ZNF391: variants seen among roughly 807,000 people sequenced by gnomAD.
ZNF391 encodes zinc finger protein 391.
For missense variants in ZNF391, 375 were observed against 425.5 expected, an observed-to-expected ratio of 0.88 and a Z score of 1.04; for synonymous variants, 126 against 142.1, an observed-to-expected ratio of 0.89 and a Z score of 0.80.
intron 1 of ZNF391, among the ~76,000 whole-genome samples, chr6:27,394,222 C>T (rs1376067638): frequency 2.0e-5 from 3 of 152,204 alleles, no homozygotes; most frequent in Admixed American, 6.5e-5. Flanking sequence ...ATCTAAGAGG[C>T]GATGCCTCCC....
chr6:27,393,458 A>C (rs549561917), intron 1 of ZNF391, among the ~76,000 whole-genome samples: 8 of 152,196 alleles, frequency 5.3e-5, no homozygotes, highest in African/African-American at 1.9e-4. Context: ...TGCCATCACC[A>C]TGGTTGTACA....
At chr6:27,388,063 A>C (rs2206250), upstream of ZNF391, among the ~76,000 whole-genome samples, 107,012 of 151,858 alleles carry the variant, frequency 0.7, 37,959 homozygotes, top group Middle Eastern at 0.8. Context: ...GCAGTTTTGC[A>C]CATGCTTTCC....
chr6:27,396,489 C>G (rs1264320938), intron 1 of ZNF391, among the ~76,000 whole-genome samples: 1 of 152,132 alleles, frequency 6.6e-6, no homozygotes, highest in Non-Finnish European at 1.5e-5. Flanking sequence ...CTTTAGGAGG[C>G]TGAGGTGGGC....
intron 1 of ZNF391, among the ~76,000 whole-genome samples, chr6:27,398,095 T>C (rs1417559375): frequency 6.6e-6 from 1 of 152,244 alleles, no homozygotes; most frequent in Non-Finnish European, 1.5e-5. Flanking sequence ...ATGCATGGCT[T>C]CTTGGCACAT....
intron 1 of ZNF391, among the ~76,000 whole-genome samples, chr6:27,380,132 C>T (rs1761475215): frequency 6.6e-6 from 1 of 152,190 alleles, no homozygotes; most frequent in African/African-American, 2.4e-5. Flanking sequence ...CTCGTCCATG[C>T]AGAAAAATTA....
intron 1 of ZNF391, among the ~76,000 whole-genome samples, chr6:27,383,752 G>T (rs1434251538): frequency 6.6e-6 from 1 of 152,130 alleles, no homozygotes; most frequent in Non-Finnish European, 1.5e-5. Context: ...GAGGGGTAGG[G>T]TTTCAACTTA....
Position 27,400,497 on chromosome 6 carries a change from G to T in ZNF391, c.127G>T (p.Val43Phe), listed in dbSNP as rs201252236. Residue 43 changes from valine to phenylalanine, a missense_variant, in exon 3 of 3, where the codon GTC becomes TTC. Transcript: ENST00000244576. ...QKKSSFENTV[V>F]RKVSVTLKEI... is the part of the protein sequence containing the mutation. ...GAAATCCTCTTTTGAGAACACAGTG[G>T]TCAGAAAAGTGTCAGTGACACTCAA... is the stretch of plus-strand genomic sequence containing the variant. 163 of 1,614,050 alleles carry T rather than the reference G, an allele frequency of 1.0e-4. No individual in the cohort carries two copies. The highest frequency in any genetic ancestry group is 4.2e-6 in the Non-Finnish European group (5 of 1,180,036).
In ZNF391 at chr6:27,400,906, ATCTTAG is replaced by A. The variant is rs1761942204; in HGVS notation, c.540_545del (p.Ser181_Leu182del). 6.2e-7 allele frequency: 1 copy of A among 1,614,002 alleles called. No individual in the cohort carries two copies. The highest frequency in any genetic ancestry group is 1.1e-5 in the South Asian group (1 of 91,080). ...GGAAAAGCTTTTAGCCGGAGCACAC[ATCTTAG>A]TCTACATCAGAGAATCCATACTGGA... is the stretch of plus-strand genomic sequence containing the variant. On this transcript the variant is annotated inframe_deletion, in exon 3 of 3. Coordinates refer to ENST00000244576, the MANE Select transcript of ZNF391 (RefSeq NM_001076781.3).
rs1392008177 is a variant in ZNF391 at position 27,400,629 on chromosome 6, A to G, written c.259A>G (p.Arg87Gly). 1.2e-6 allele frequency: 2 copies of G among 1,614,240 alleles called. No individual in the cohort carries two copies. Among genetic ancestry groups the G allele is most frequent in the Non-Finnish European group, 1.7e-6 (2 of 1,180,040 alleles). ...IPKGHGSPIS[R>G]KNSKDNSDLI... ...AAAGGGACATGGATCCCCAATATCTAGGAAAAACTCCAAAGATAATTCAGA... is the reference window on the plus strand; with the variant it reads ...AAAGGGACATGGATCCCCAATATCTGGGAAAAACTCCAAAGATAATTCAGA... Residue 87 changes from arginine (R) to glycine (G), a missense_variant, in exon 3 of 3, where the codon AGG becomes GGG. Coordinates refer to ENST00000244576, the MANE Select transcript of ZNF391 (RefSeq NM_001076781.3).
In ZNF391 at chr6:27,401,160, C is replaced by A; in HGVS notation, c.790C>A (p.Leu264Ile). The change falls in exon 3 of 3, where the codon CTT (leucine) becomes ATT (isoleucine). Residue 264 changes from leucine to isoleucine, a missense_variant. Coordinates refer to ENST00000244576, the MANE Select transcript of ZNF391 (RefSeq NM_001076781.3). ...AAAAGCTTTCAGTTGGATCTCATCG[C>A]TTACTGAACATCAGAGAACACACAC... ...CGKAFSWISS[L>I]TEHQRTHTGE... The A allele has an allele frequency of 1.2e-6, 2 of 1,614,210 alleles. No individual in the cohort carries two copies. Among genetic ancestry groups the A allele is most frequent in the Non-Finnish European group, 1.7e-6 (2 of 1,180,032 alleles).
At chr6:27,381,204 C>A (rs988686329) in intron 1 of ZNF391, among the ~76,000 whole-genome samples, 9 of 152,254 alleles carry the variant, frequency 5.9e-5, no homozygotes, top group Non-Finnish European at 8.8e-5. Flanking sequence ...GGTCCCGAGG[C>A]CTGCGCCGCG....
In ZNF391 at chr6:27,402,755, C is replaced by T. The variant is rs930529567; in HGVS notation, c.*1308C>T. 1 of 152,136 alleles carries T rather than the reference C, an allele frequency of 6.6e-6. No individual in the cohort carries two copies. The highest frequency in any genetic ancestry group is 1.5e-5 in the Non-Finnish European group (1 of 68,038). The allele number at this position is 152,136 out of a possible 1,614,324, so 9.4% of individuals were successfully genotyped here. A position where few individuals can be genotyped will look rare whatever the true frequency, so the allele number is the denominator to read the frequency against. On this transcript the variant is annotated 3_prime_UTR_variant, in exon 3 of 3. Transcript: ENST00000244576. Reference sequence around the variant, plus strand: ...CTGCAAGTGTGTACCACCACACCCACAATTTTAAAGTTTTTTTGTGGAGAC... The same window carrying T: ...CTGCAAGTGTGTACCACCACACCCATAATTTTAAAGTTTTTTTGTGGAGAC...
chr6:27,392,239 A>G (rs1761729535), intron 1 of ZNF391, among the ~76,000 whole-genome samples: 1 of 152,106 alleles, frequency 6.6e-6, no homozygotes. Context: ...ACTTCAGTGG[A>G]GGCCAGAGAC....
chr6:27,392,103 AT>A (rs1223652048), intron 1 of ZNF391, among the ~76,000 whole-genome samples: 1 of 152,038 alleles, frequency 6.6e-6, no homozygotes, highest in Non-Finnish European at 1.5e-5. Context: ...CAGATTGTTT[AT>A]TTTTCCCTGG....
intron 1 of ZNF391, among the ~76,000 whole-genome samples, chr6:27,378,953 C>T (rs1291921257): frequency 6.6e-6 from 1 of 151,834 alleles, no homozygotes; most frequent in Non-Finnish European, 1.5e-5. Context: ...AGTGTATATT[C>T]CTCTCTCTAT....
chr6:27,390,769 G>A (rs961138344), intron 1 of ZNF391, among the ~76,000 whole-genome samples: 3 of 152,218 alleles, frequency 2.0e-5, no homozygotes, highest in Non-Finnish European at 4.4e-5. Flanking sequence ...CACAGCAATA[G>A]CATCATCTCC....
At chr6:27,392,005 G>A (rs1048558882) in intron 1 of ZNF391, among the ~76,000 whole-genome samples, 7 of 152,166 alleles carry the variant, frequency 4.6e-5, no homozygotes, top group African/African-American at 1.7e-4. Flanking sequence ...CTCAAAGTTT[G>A]GGATCTAAAG....
upstream of ZNF391, among the ~76,000 whole-genome samples, chr6:27,387,507 CTGTT>C (rs1209569502): frequency 2.6e-5 from 4 of 152,178 alleles, no homozygotes; most frequent in East Asian, 3.8e-4. Flanking sequence ...TATTTATACA[CTGTT>C]TGTGTATAAA....
In ZNF391 at chr6:27,403,596, G is replaced by A. The variant is rs1338970024; in HGVS notation, c.*2149G>A. The stretch of plus-strand genomic sequence containing the variant: ...TTTTATAAGCCTCATATAATACATA[G>A]TACAATGCCAGCCTGGACTCTAGTT... On this transcript the variant is annotated 3_prime_UTR_variant, in exon 3 of 3. Transcript: ENST00000244576. 2 of 152,160 alleles carry A rather than the reference G, an allele frequency of 1.3e-5. No homozygotes were observed. The highest frequency in any genetic ancestry group is 2.9e-5 in the Non-Finnish European group (2 of 68,034). The allele number at this position is 152,160 out of a possible 1,614,324, so 9.4% of individuals were successfully genotyped here. A position where few individuals can be genotyped will look rare whatever the true frequency, so the allele number is the denominator to read the frequency against.
Sources: gnomAD v4.1 joint callset for allele counts (sites outside exome capture counted in the v4.1 genomes callset) on GRCh38, gnomAD v4.1.1 for gene constraint, MANE v1.5 for transcripts, NCBI Gene and HGNC (gene_info 2026-07-23, HGNC 2026-07-21) for gene names.